The following PREX1 variants were observed in gnomAD, a reference collection of about 807,000 sequenced individuals.
The protein encoded by PREX1 is phosphatidylinositol 3,4,5-trisphosphate-dependent Rac exchanger 1 protein.
Under a neutral mutation model 198.3 loss-of-function variants are expected in PREX1, and 41 were observed. The observed-to-expected ratio is 0.21, with a 90% CI of 0.16 to 0.27. The LOEUF is 0.27. Among genes scored for constraint, PREX1 ranks in the 10% least tolerant of loss-of-function variants. The pLI, the probability that PREX1 is intolerant of heterozygous loss-of-function variation, is 1.00. For synonymous variants in PREX1, 843 were observed against 887.2 expected (o/e 0.95, Z 0.89); for missense variants, 1,620 against 2,200.7 (o/e 0.74, Z 5.28).
intron 6 of PREX1, among the ~76,000 whole-genome samples, chr20:48,706,358 A>G (rs904681743): frequency 4.6e-5 from 7 of 152,188 alleles, no homozygotes; most frequent in African/African-American, 1.7e-4. Context: ...TTTTCTGACA[A>G]TATTAGGTAA....
chr20:48,839,132 G>T, the PREX1 span, among the ~76,000 whole-genome samples: 1 of 151,746 alleles, frequency 6.6e-6, no homozygotes, highest in Non-Finnish European at 1.5e-5. Flanking sequence ...TTCTGCCATG[G>T]ATGTATATGG....
chr20:48,637,820 C>T (rs1013990032), intron 30 of PREX1, 68 bp from the exon 31 acceptor site: 7 of 1,440,666 alleles, frequency 4.9e-6, no homozygotes, highest in South Asian at 2.4e-5. Context: ...AGGGCAGAAC[C>T]GGGCCCCTCC....
chr20:48,860,544 C>T, the PREX1 span, among the ~76,000 whole-genome samples: 121 of 152,202 alleles, frequency 7.9e-4, no homozygotes, highest in African/African-American at 2.7e-3. Context: ...CGTATTTTAC[C>T]ACAACTAAAA....
chr20:48,654,808 C>T (rs2089529877), intron 19 of PREX1, among the ~76,000 whole-genome samples: 1 of 152,210 alleles, frequency 6.6e-6, no homozygotes, highest in Non-Finnish European at 1.5e-5. Flanking sequence ...GTTCCATCTC[C>T]AAGACATAGT....
the PREX1 span, among the ~76,000 whole-genome samples, chr20:48,883,504 A>T: frequency 6.6e-6 from 1 of 152,110 alleles, no homozygotes; most frequent in African/African-American, 2.4e-5. Context: ...AATGGCATGG[A>T]ATCCACTAAA....
At chr20:48,663,309 A>G (rs1278283035) in intron 15 of PREX1, among the ~76,000 whole-genome samples, 1 of 152,256 alleles carries the variant, frequency 6.6e-6, no homozygotes, top group East Asian at 1.9e-4. Flanking sequence ...TCAGGTCTCC[A>G]GCACGTGGCT....
At chr20:48,645,829 GC>G in intron 26 of PREX1, 21 bp downstream of exon 26, 1 of 1,612,012 alleles carries the variant, frequency 6.2e-7, no homozygotes, top group Middle Eastern at 1.7e-4. Flanking sequence ...TCTAACCTCA[GC>G]CCCCTGACGG....
intron 11 of PREX1, 50 bp downstream of exon 11, chr20:48,681,185 T>C: frequency 6.7e-7 from 1 of 1,489,124 alleles, no homozygotes. Context: ...ACAGTTGGGG[T>C]CTGACCTGTT....
chr20:48,833,963 G>C, the PREX1 span, among the ~76,000 whole-genome samples: 2 of 152,162 alleles, frequency 1.3e-5, no homozygotes, highest in Admixed American at 1.3e-4. Flanking sequence ...AGCACCTGTA[G>C]TCCCAGCTAC....
At chr20:48,748,690 G>A (rs1467705999) in intron 1 of PREX1, among the ~76,000 whole-genome samples, 1 of 152,180 alleles carries the variant, frequency 6.6e-6, no homozygotes, top group Non-Finnish European at 1.5e-5. Flanking sequence ...TCTCTCCTCT[G>A]TGAGACGCAG....
chr20:48,708,791 C>T (rs575784263), intron 5 of PREX1, among the ~76,000 whole-genome samples: 4 of 151,970 alleles, frequency 2.6e-5, no homozygotes, highest in Admixed American at 2.0e-4. Context: ...GGGTCTGAGG[C>T]GGGCACATGT....
At chr20:48,814,654 C>A in intron 1 of PREX1, among the ~76,000 whole-genome samples, 1 of 152,192 alleles carries the variant, frequency 6.6e-6, no homozygotes, top group South Asian at 2.1e-4. Context: ...ACCTTCTAAG[C>A]CATCATAAGG....
At position 48,764,181 on chromosome 20, in the gene PREX1, C is replaced by T. The variant is rs571212012; in HGVS notation, c.220-16301G>A. ...CTCCACAAGGGAAGAAACTTCTGTC[C>T]CTGGAGCCCAATACAGTGCCAGGCC... On this transcript the variant is annotated intron_variant, in intron 1 of 39. Coordinates refer to ENST00000371941, the MANE Select transcript of PREX1 (RefSeq NM_020820.4). 2.0e-5 allele frequency among the ~76,000 whole-genome samples: 3 copies of T among 152,254 alleles called. No individual in the cohort carries two copies. The East Asian group carries it at 5.8e-4, about 29-fold the overall frequency.
intron 1 of PREX1, among the ~76,000 whole-genome samples, chr20:48,801,738 T>C (rs2090387816): frequency 6.6e-6 from 1 of 152,234 alleles, no homozygotes. Flanking sequence ...AAAACTCATG[T>C]TGAAATCTGG....
chr20:48,632,183 A>T, intron 35 of PREX1, 94 bp downstream of exon 35: 2 of 1,200,936 alleles, frequency 1.7e-6, no homozygotes, highest in Non-Finnish European at 2.4e-6. Flanking sequence ...CCCACTGCCC[A>T]TGCTGGGGGT....
chr20:48,776,343 C>T (rs1176044978), intron 1 of PREX1, among the ~76,000 whole-genome samples: 2 of 152,192 alleles, frequency 1.3e-5, no homozygotes, highest in South Asian at 2.1e-4. Context: ...CCATGGACCC[C>T]GCCCCCCTCA....
the PREX1 span, among the ~76,000 whole-genome samples, chr20:48,866,400 A>G: frequency 1.3e-5 from 2 of 152,084 alleles, no homozygotes; most frequent in Admixed American, 6.5e-5. Flanking sequence ...TGTCTGGGAA[A>G]CTGTTAGAAA....
chr20:48,745,991 T>C (rs2090105979), intron 2 of PREX1, among the ~76,000 whole-genome samples: 1 of 152,188 alleles, frequency 6.6e-6, no homozygotes, highest in African/African-American at 2.4e-5. Context: ...GAGTCTTTTA[T>C]GATTGTATTT....
intron 1 of PREX1, among the ~76,000 whole-genome samples, chr20:48,799,432 A>G (rs953876932): frequency 3.9e-5 from 6 of 152,176 alleles, no homozygotes; most frequent in Non-Finnish European, 8.8e-5. Context: ...GCACACTGTC[A>G]GTGGCATCCT....
Sources: gnomAD v4.1 joint callset for allele counts (sites outside exome capture counted in the v4.1 genomes callset) on GRCh38, gnomAD v4.1.1 for gene constraint, MANE v1.5 for transcripts, NCBI Gene and HGNC (gene_info 2026-07-23, HGNC 2026-07-21) for gene names.